Variants in SIPA1L2 observed in about 807,000 individuals in gnomAD.
SIPA1L2 encodes the protein signal-induced proliferation-associated 1-like protein 2.
In SIPA1L2, 56 loss-of-function variants were observed where a neutral mutation model predicts 163.9. That is an observed-to-expected ratio of 0.34 (90% confidence interval 0.28 to 0.43). The LOEUF (loss-of-function observed/expected upper bound fraction) is 0.43. SIPA1L2 is among the 20% of genes least tolerant of loss of function. SIPA1L2 has a pLI of 1.00. For synonymous variants in SIPA1L2, 877 were observed against 865.7 expected (o/e 1.01, Z -0.23); for missense variants, 1,974 against 2,193.5 (o/e 0.90, Z 2.00).
chr1:232,446,564 C>G (rs1663229500), intron 10 of SIPA1L2, among the ~76,000 whole-genome samples: 1 of 152,190 alleles, frequency 6.6e-6, no homozygotes, highest in Non-Finnish European at 1.5e-5. Context: ...TTCCTTTTGT[C>G]TGATATTTTA....
chr1:232,542,122 T>C (rs929088620), intron 2 of SIPA1L2, among the ~76,000 whole-genome samples: 3 of 152,236 alleles, frequency 2.0e-5, no homozygotes, highest in African/African-American at 4.8e-5. Context: ...TACAGACAAA[T>C]AGCACTGGAC....
At chr1:232,607,590 G>A (rs1023693302) in intron 1 of SIPA1L2, among the ~76,000 whole-genome samples, 3 of 152,046 alleles carry the variant, frequency 2.0e-5, no homozygotes, top group African/African-American at 7.2e-5. Context: ...CGCCATGCTT[G>A]GAGCACTCAG....
At chr1:232,587,403 C>T (rs1426877486) in intron 1 of SIPA1L2, among the ~76,000 whole-genome samples, 1 of 152,120 alleles carries the variant, frequency 6.6e-6, no homozygotes, top group African/African-American at 2.4e-5. Flanking sequence ...TCTCATTTAG[C>T]ACCTTTCCTG....
At position 232,464,920 on chromosome 1, in the gene SIPA1L2, A is replaced by G; in HGVS notation, c.2740T>C (p.Tyr914His). The G allele has an allele frequency of 6.2e-7, 1 of 1,614,202 alleles. No homozygotes were observed. The highest frequency in any genetic ancestry group is 8.5e-7 in the Non-Finnish European group (1 of 1,180,038). ...TSGLVSIKVF[Y>H]ERGECVLLSS... ...AGGAGGACACATTCTCCTCTTTCGTAAAACACTTTGATACTCACTAATCCA... is the reference window on the plus strand; with the variant it reads ...AGGAGGACACATTCTCCTCTTTCGTGAAACACTTTGATACTCACTAATCCA... Residue 914 changes from tyrosine to histidine, a missense_variant, in exon 9 of 23, where the codon TAC becomes CAC. Physicochemically the swap from Tyr to His is moderately conservative, Grantham distance 83. This residue lies in a region of SIPA1L2 where 1,079 missense variants were observed against 1,150.7 expected (regional missense o/e 0.94). Coordinates refer to ENST00000674635, the MANE Select transcript of SIPA1L2 (RefSeq NM_020808.5).
chr1:232,488,708 C>T (rs755658285), intron 5 of SIPA1L2, among the ~76,000 whole-genome samples: 1 of 152,158 alleles, frequency 6.6e-6, no homozygotes, highest in African/African-American at 2.4e-5. Flanking sequence ...TGACATCAGA[C>T]TGTAAATAGG....
intron 7 of SIPA1L2, 46 bp downstream of exon 7, chr1:232,479,581 A>G: frequency 6.7e-7 from 1 of 1,496,418 alleles, no homozygotes; most frequent in Non-Finnish European, 9.3e-7. Context: ...GGCCCACCTC[A>G]GATTTCATAC....
At chr1:232,551,699 C>T (rs1036351434) in intron 2 of SIPA1L2, among the ~76,000 whole-genome samples, 2 of 152,204 alleles carry the variant, frequency 1.3e-5, no homozygotes, top group Non-Finnish European at 2.9e-5. Context: ...TGCGCTGGAG[C>T]AAATGATTCA....
rs1667138668 is a variant in SIPA1L2 at position 232,514,638 on chromosome 1, G to C, written c.702C>G (p.Phe234Leu). The C allele has an allele frequency of 1.2e-6, 2 of 1,614,044 alleles. No individual in the cohort carries two copies. The highest frequency in any genetic ancestry group is 1.7e-6 in the Non-Finnish European group (2 of 1,180,042). Residue 234 changes from phenylalanine (F) to leucine (L), a missense_variant, in exon 3 of 23, where the codon TTC (phenylalanine) becomes TTG (leucine). Physicochemically the swap from Phe to Leu is conservative, Grantham distance 22 (BLOSUM62 0). This residue lies in a region of SIPA1L2 where 607 missense variants were observed against 624.0 expected (regional missense o/e 0.97). Coordinates refer to ENST00000674635, the MANE Select transcript of SIPA1L2 (RefSeq NM_020808.5). ...AMVPFGFPEF[F>L]RCDPAISPSL... ...TCGGAGAGATTGCAGGGTCACAGCG[G>C]AAAAATTCAGGGAACCCAAAAGGGA...
chr1:232,598,963 CAA>C (rs3028130), intron 1 of SIPA1L2, among the ~76,000 whole-genome samples: 9 of 123,510 alleles, frequency 7.3e-5, no homozygotes, highest in South Asian at 2.6e-4. Flanking sequence ...CTCTACCCCT[CAA>C]AAAAAAAAAA....
At chr1:232,484,801 A>T (rs1169769997) in intron 5 of SIPA1L2, among the ~76,000 whole-genome samples, 1 of 152,188 alleles carries the variant, frequency 6.6e-6, no homozygotes, top group Non-Finnish European at 1.5e-5. Flanking sequence ...CAGAGCTCTT[A>T]ATCTTACTAC....
chr1:232,589,436 T>G (rs1419778021), intron 1 of SIPA1L2, among the ~76,000 whole-genome samples: 1 of 152,238 alleles, frequency 6.6e-6, no homozygotes, highest in African/African-American at 2.4e-5. Flanking sequence ...CTGAGAGGCT[T>G]CTCACTGAAT....
At chr1:232,458,990 C>G (rs1664080483) in intron 10 of SIPA1L2, among the ~76,000 whole-genome samples, 1 of 152,158 alleles carries the variant, frequency 6.6e-6, no homozygotes, top group Admixed American at 6.5e-5. Flanking sequence ...ACAGAGAAAA[C>G]TTAGTTTCTT....
intron 3 of SIPA1L2, among the ~76,000 whole-genome samples, chr1:232,507,371 TACCA>T (rs962916335): frequency 6.6e-6 from 1 of 152,154 alleles, no homozygotes; most frequent in Non-Finnish European, 1.5e-5. Context: ...CCACAGGACT[TACCA>T]CTGTTGATGG....
At chr1:232,611,159 G>GT (rs1662215938) in intron 1 of SIPA1L2, among the ~76,000 whole-genome samples, 1 of 152,190 alleles carries the variant, frequency 6.6e-6, no homozygotes, top group Non-Finnish European at 1.5e-5. Context: ...CCTCTGCCAT[G>GT]TAAGAACTGC....
chr1:232,605,231 G>T (rs1161237539), intron 1 of SIPA1L2, among the ~76,000 whole-genome samples: 2 of 152,092 alleles, frequency 1.3e-5, no homozygotes, highest in African/African-American at 2.4e-5. Flanking sequence ...CCAGTCTGGT[G>T]TCAAACTCCT....
Position 232,432,572 on chromosome 1 carries a change from C to T in SIPA1L2, c.4032-101G>A, listed in dbSNP as rs569554333. On this transcript the variant is annotated intron_variant, in intron 15 of 22. Transcript: ENST00000674635. ...ACAAGGCTTTACTCAAGTCTTTCTC[C>T]GAGAGCAAAATCGGGCCCAGTGAGG... 358 of 1,141,446 alleles carry T rather than the reference C, an allele frequency of 3.1e-4. 4 individuals are homozygous for T. The Middle Eastern group carries it at 0.017, about 56-fold the overall frequency. The allele number at this position is 1,141,446 out of a possible 1,614,324, so 70.7% of individuals were successfully genotyped here.
chr1:232,559,136 G>T (rs1381348169), intron 2 of SIPA1L2, among the ~76,000 whole-genome samples: 1 of 152,122 alleles, frequency 6.6e-6, no homozygotes, highest in African/African-American at 2.4e-5. Context: ...CAGCACTCTA[G>T]GCCCAGCAGG....
intron 2 of SIPA1L2, among the ~76,000 whole-genome samples, chr1:232,539,874 G>C (rs1657538190): frequency 2.6e-5 from 4 of 152,134 alleles, no homozygotes. Context: ...TTTTTCTTCT[G>C]TGTGGACTAC....
intron 18 of SIPA1L2, among the ~76,000 whole-genome samples, chr1:232,416,623 C>T (rs781454176): frequency 1.3e-4 from 20 of 152,212 alleles, no homozygotes; most frequent in Non-Finnish European, 2.6e-4. Flanking sequence ...CTGAGCACCA[C>T]AAACTTGAGA....
Sources: gnomAD v4.1 joint callset for allele counts (sites outside exome capture counted in the v4.1 genomes callset) on GRCh38, gnomAD v4.1.1 for gene constraint, gnomAD v4.1.1 regional missense constraint, MANE v1.5 for transcripts, NCBI Gene and HGNC (gene_info 2026-07-23, HGNC 2026-07-21) for gene names.